Variants in MSRB3 observed in about 807,000 individuals in gnomAD.
MSRB3 encodes the protein methionine-R-sulfoxide reductase B3.
A neutral mutation model predicts 21.0 loss-of-function variants in MSRB3; 13 were observed. The observed-to-expected ratio is 0.62, with a 90% CI of 0.40 to 0.98. The LOEUF is 0.98. MSRB3 is among the 50% of genes least tolerant of loss of function. The pLI is 0.00. For missense variants in MSRB3, 199 were observed against 230.3 expected, an observed-to-expected ratio of 0.86 and a Z score of 0.88; for synonymous variants, 87 against 88.6, an observed-to-expected ratio of 0.98 and a Z score of 0.10.
Position 65,464,480 on chromosome 12 carries a change from T to C in MSRB3, c.*1158T>C, listed in dbSNP as rs1224805260. On this transcript the variant is annotated 3_prime_UTR_variant, in exon 7 of 7. Transcript: ENST00000308259. ...AAAGAAAAAGAAAGCAGCATTCAAA[T>C]GTAAGACAACTGTAAAATATTGAGC... 1 of 152,238 alleles carries C rather than the reference T, an allele frequency of 6.6e-6. No individual in the cohort carries two copies. The highest frequency in any genetic ancestry group is 1.5e-5 in the Non-Finnish European group (1 of 68,118). The allele number at this position is 152,238 out of a possible 1,614,324, so 9.4% of individuals were successfully genotyped here. A position where few individuals can be genotyped will look rare whatever the true frequency, so the allele number is the denominator to read the frequency against.
Position 65,463,360 on chromosome 12 carries a change from C to T in MSRB3, c.*38C>T, listed in dbSNP as rs1422249626. On this transcript the variant is annotated 3_prime_UTR_variant, in exon 7 of 7. Transcript: ENST00000308259. The stretch of plus-strand genomic sequence containing the variant: ...TGATGGAAACAAAGTGTACTTAATG[C>T]ACAGCTTATTAAAAAAATCAAAATT... 2.5e-6 allele frequency: 4 copies of T among 1,609,508 alleles called. No homozygotes were observed. The highest frequency in any genetic ancestry group is 1.3e-5 in the African/African-American group (1 of 74,766).
intron 5 of MSRB3, among the ~76,000 whole-genome samples, chr12:65,384,020 A>G (rs1347925980): frequency 6.6e-6 from 1 of 152,194 alleles, no homozygotes; most frequent in East Asian, 1.9e-4. Context: ...TTTACTATAC[A>G]TGGCTGTATA....
chr12:65,428,514 T>C (rs1382230469), intron 5 of MSRB3, among the ~76,000 whole-genome samples: 3 of 152,216 alleles, frequency 2.0e-5, no homozygotes, highest in Non-Finnish European at 2.9e-5. Context: ...CTTGCTCTAA[T>C]GGACTGGGCA....
chr12:65,386,509 G>C (rs1879202112), intron 5 of MSRB3, among the ~76,000 whole-genome samples: 1 of 151,864 alleles, frequency 6.6e-6, no homozygotes, highest in Admixed American at 6.6e-5. Context: ...TTGGAGAAAA[G>C]AAGGAATTTG....
chr12:65,308,576 A>G lies in MSRB3; in HGVS notation c.-4A>G. 1 of 1,613,856 alleles carries G rather than the reference A, an allele frequency of 6.2e-7. No homozygotes were observed. ...CTCGTTTTGTTGGTGAAGATATCAC[A>G]GTGATGTCTGCATTCAACCTGCTGC... On this transcript the variant is annotated 5_prime_UTR_variant, in exon 2 of 7. Transcript: ENST00000308259.
chr12:65,325,113 G>A (rs7975891), intron 2 of MSRB3, among the ~76,000 whole-genome samples: 4,029 of 152,274 alleles, frequency 0.026, 190 homozygotes, highest in African/African-American at 0.092. Flanking sequence ...ACTGAATTAA[G>A]CAGAAACTCA....
intron 1 of MSRB3, among the ~76,000 whole-genome samples, chr12:65,294,511 TCTGA>T (rs1872840093): frequency 6.6e-6 from 1 of 152,228 alleles, no homozygotes; most frequent in Non-Finnish European, 1.5e-5. Flanking sequence ...CTGGTGGGAA[TCTGA>T]CTGAGGAAGA....
intron 4 of MSRB3, among the ~76,000 whole-genome samples, chr12:65,352,708 T>C (rs1295424562): frequency 1.2e-4 from 18 of 151,682 alleles, no homozygotes; most frequent in African/African-American, 4.1e-4. Context: ...TGAACTCCCA[T>C]TCACAATTGC....
At chr12:65,303,906 T>C (rs544504832) in intron 1 of MSRB3, among the ~76,000 whole-genome samples, 1 of 152,248 alleles carries the variant, frequency 6.6e-6, no homozygotes, top group Middle Eastern at 3.4e-3. Flanking sequence ...AGCTGACCTA[T>C]TACAAAAATT....
chr12:65,299,862 C>T (rs1406536675), intron 1 of MSRB3, among the ~76,000 whole-genome samples: 1 of 152,138 alleles, frequency 6.6e-6, no homozygotes, highest in Non-Finnish European at 1.5e-5. Context: ...AAATCACAGT[C>T]AAATATTTGT....
chr12:65,314,405 A>G (rs1874167342), intron 2 of MSRB3, among the ~76,000 whole-genome samples: 1 of 152,156 alleles, frequency 6.6e-6, no homozygotes, highest in African/African-American at 2.4e-5. Context: ...GAAAACTAAG[A>G]AAAATTATAT....
intron 5 of MSRB3, among the ~76,000 whole-genome samples, chr12:65,437,889 T>C (rs1355975043): frequency 6.6e-6 from 1 of 151,884 alleles, no homozygotes; most frequent in Non-Finnish European, 1.5e-5. Context: ...GCTGAAGTGC[T>C]CCCTTTTTCA....
chr12:65,356,294 C>A (rs1877380417), intron 4 of MSRB3, among the ~76,000 whole-genome samples: 1 of 151,836 alleles, frequency 6.6e-6, no homozygotes, highest in Non-Finnish European at 1.5e-5. Flanking sequence ...AATAAGTTCA[C>A]CAAGAAAGTA....
chr12:65,459,851 A>G (rs1031918592), intron 6 of MSRB3, among the ~76,000 whole-genome samples: 3 of 152,196 alleles, frequency 2.0e-5, no homozygotes, highest in Non-Finnish European at 2.9e-5. Flanking sequence ...TTAAGGAATT[A>G]TGTTAAACTT....
chr12:65,410,453 A>C (rs1056976337), intron 5 of MSRB3, among the ~76,000 whole-genome samples: 1 of 152,044 alleles, frequency 6.6e-6, no homozygotes, highest in Non-Finnish European at 1.5e-5. Context: ...GCCAGCCTGG[A>C]CAACAGAGTG....
At chr12:65,335,265 A>G (rs1875688509) in intron 4 of MSRB3, among the ~76,000 whole-genome samples, 1 of 152,326 alleles carries the variant, frequency 6.6e-6, no homozygotes, top group Middle Eastern at 3.4e-3. Context: ...AAAAATCCTT[A>G]CAATGTGAGA....
chr12:65,337,870 C>T (rs906349779), intron 4 of MSRB3, among the ~76,000 whole-genome samples: 1 of 152,076 alleles, frequency 6.6e-6, no homozygotes, highest in African/African-American at 2.4e-5. Context: ...AATTATATAA[C>T]TTACATGAGT....
chr12:65,404,820 T>A (rs1185350493), intron 5 of MSRB3, among the ~76,000 whole-genome samples: 1 of 152,244 alleles, frequency 6.6e-6, no homozygotes, highest in East Asian at 1.9e-4. Context: ...TTGTTATTAA[T>A]TATTGTCTTC....
chr12:65,422,428 A>ATT (rs1555212225), intron 5 of MSRB3, among the ~76,000 whole-genome samples: 1,093 of 71,904 alleles, frequency 0.015, 10 homozygotes, highest in African/African-American at 0.021. Flanking sequence ...ATATATATAT[A>ATT]TATTTATTTA....
Sources: allele counts gnomAD v4.1 joint callset (sites outside exome capture counted in the v4.1 genomes callset), GRCh38; gene constraint gnomAD v4.1.1; transcripts MANE v1.5; gene names NCBI Gene and HGNC (gene_info 2026-07-23, HGNC 2026-07-21).